The following EXOC4 variants were observed in gnomAD, a reference collection of about 807,000 sequenced individuals.
The protein encoded by EXOC4 is exocyst complex component 4, also known as SEC8-like 1.
In EXOC4, 71 loss-of-function variants were observed where a neutral mutation model predicts 107.2. The observed-to-expected ratio is 0.66, with a 90% confidence interval of 0.55 to 0.81. The LOEUF is 0.81. EXOC4 is among the 30% of genes least tolerant of loss of function. EXOC4 has a pLI of 0.00. For synonymous variants in EXOC4, 456 were observed against 441.2 expected, an observed-to-expected ratio of 1.03 and a Z score of -0.42; for missense variants, 1,108 against 1,189.6, an observed-to-expected ratio of 0.93 and a Z score of 1.01.
chr7:133,816,962 C>T (rs543547139), intron 10 of EXOC4, among the ~76,000 whole-genome samples: 24 of 152,196 alleles, frequency 1.6e-4, no homozygotes, highest in Admixed American at 1.2e-3. Context: ...GTAAAGGTTT[C>T]GGTGGGAAAT....
intron 7 of EXOC4, among the ~76,000 whole-genome samples, chr7:133,442,207 A>G (rs1798120990): frequency 6.6e-6 from 1 of 152,176 alleles, no homozygotes; most frequent in Admixed American, 6.5e-5. Flanking sequence ...TACTGGGCAT[A>G]GCTGGTGAAT....
chr7:133,380,259 T>TAAAAAA (rs1796586001), intron 7 of EXOC4, among the ~76,000 whole-genome samples: 1 of 150,074 alleles, frequency 6.7e-6, no homozygotes, highest in Non-Finnish European at 1.5e-5. Flanking sequence ...TAAAATAAAA[T>TAAAAAA]AAAATAAAAT....
rs530674239 is a variant in EXOC4, at chr7:133,758,801, C to T, written c.1515-58524C>T. On this transcript the variant is annotated intron_variant, in intron 10 of 17. Transcript: ENST00000253861. ...TTTATTAATCTTTGAAGTTTAATAA[C>T]CTTACTAAGATATAGCTCTTCCCCC... Among the ~76,000 whole-genome samples the T allele has an allele frequency of 2.0e-5, 3 of 152,254 alleles. No homozygotes were observed. The East Asian group carries it at 5.8e-4, about 29-fold the overall frequency.
At chr7:133,545,877 T>G (rs1800470526) in intron 9 of EXOC4, among the ~76,000 whole-genome samples, 1 of 152,208 alleles carries the variant, frequency 6.6e-6, no homozygotes, top group African/African-American at 2.4e-5. Context: ...CCTCCCTTTT[T>G]CCAAATGAAA....
chr7:133,312,053 T>C (rs1354419062), intron 4 of EXOC4, among the ~76,000 whole-genome samples: 2 of 152,198 alleles, frequency 1.3e-5, no homozygotes, highest in African/African-American at 4.8e-5. Context: ...ATTTTGTTTC[T>C]AGGTCTACAT....
chr7:133,895,823 C>G, intron 12 of EXOC4, 88 bp downstream of exon 12: 1 of 1,388,244 alleles, frequency 7.2e-7, no homozygotes, highest in East Asian at 2.3e-5. Flanking sequence ...GCCTAATTTC[C>G]AAAAGGATCA....
At chr7:133,829,530 C>T (rs768470579) in intron 11 of EXOC4, among the ~76,000 whole-genome samples, 8 of 152,328 alleles carry the variant, frequency 5.3e-5, no homozygotes, top group Admixed American at 3.3e-4. Flanking sequence ...CAGTGAGCCA[C>T]AACGGTGTGC....
the EXOC4 span, among the ~76,000 whole-genome samples, chr7:134,080,475 G>C: frequency 1.6e-4 from 24 of 152,164 alleles, no homozygotes; most frequent in Admixed American, 1.2e-3. Flanking sequence ...GGAGTTTTAA[G>C]CAAGTAAGTA....
Position 134,007,685 on chromosome 7 carries a change from A to C in EXOC4, c.2537A>C (p.His846Pro). The change falls in exon 17 of 18, where the codon CAC (histidine) becomes CCC (proline). Residue 846 changes from histidine to proline, a missense_variant. His to Pro is a moderately conservative substitution (Grantham distance 77). Coordinates refer to ENST00000253861, the MANE Select transcript of EXOC4 (RefSeq NM_021807.4). The part of the protein sequence containing the change: ...KFQYIFEGLG[H>P]LISCILINGA... Reference sequence around the variant, plus strand: ...TGTGCTGACCCCTCAGGCCTGGGCCACCTGATCTCCTGCATCCTCATTAAT... The same window carrying C: ...TGTGCTGACCCCTCAGGCCTGGGCCCCCTGATCTCCTGCATCCTCATTAAT... The C allele has an allele frequency of 6.2e-7, 1 of 1,613,164 alleles. No homozygotes were observed. Among genetic ancestry groups the C allele is most frequent in the Non-Finnish European group, 8.5e-7 (1 of 1,179,484 alleles).
At chr7:134,036,891 A>G (rs1311559972) in intron 17 of EXOC4, among the ~76,000 whole-genome samples, 1 of 152,170 alleles carries the variant, frequency 6.6e-6, no homozygotes, top group East Asian at 1.9e-4. Context: ...CCTTACCTAT[A>G]AAATAGAGAT....
chr7:133,367,220 A>G (rs1796267442), intron 6 of EXOC4, among the ~76,000 whole-genome samples: 1 of 152,158 alleles, frequency 6.6e-6, no homozygotes, highest in African/African-American at 2.4e-5. Flanking sequence ...TTAGGGGCAA[A>G]TGAGCTCAGC....
intron 15 of EXOC4, among the ~76,000 whole-genome samples, chr7:133,999,451 G>A (rs1196126985): frequency 6.6e-6 from 1 of 152,138 alleles, no homozygotes; most frequent in African/African-American, 2.4e-5. Flanking sequence ...TCTGTGTTAC[G>A]TGGCATTATT....
chr7:133,950,593 T>C (rs1416982167), intron 14 of EXOC4, among the ~76,000 whole-genome samples: 1 of 152,240 alleles, frequency 6.6e-6, no homozygotes, highest in Non-Finnish European at 1.5e-5. Flanking sequence ...TCAAGAAGTT[T>C]GATGATAAGA....
chr7:133,665,421 A>G (rs762934029), intron 10 of EXOC4, among the ~76,000 whole-genome samples: 1 of 152,182 alleles, frequency 6.6e-6, no homozygotes, highest in Non-Finnish European at 1.5e-5. Flanking sequence ...GTAGACTTGA[A>G]TCATTCTAAG....
chr7:133,654,096 C>T (rs1159962651), intron 10 of EXOC4, among the ~76,000 whole-genome samples: 1 of 152,136 alleles, frequency 6.6e-6, no homozygotes, highest in Non-Finnish European at 1.5e-5. Flanking sequence ...TCGAGCAGTG[C>T]ACTGGGTGGT....
At chr7:133,619,793 C>A (rs111346258) in intron 9 of EXOC4, among the ~76,000 whole-genome samples, 46 of 152,304 alleles carry the variant, frequency 3.0e-4, no homozygotes, top group Non-Finnish European at 5.9e-4. Context: ...AGCACAGATA[C>A]TTTCCTAGTT....
chr7:134,030,766 T>G (rs1053097986), intron 17 of EXOC4, among the ~76,000 whole-genome samples: 12 of 140,460 alleles, frequency 8.5e-5, no homozygotes, highest in East Asian at 2.2e-4. Context: ...GTAAACAAAT[T>G]TATCTAGATA....
chr7:133,391,424 G>A (rs1796850587), intron 7 of EXOC4, among the ~76,000 whole-genome samples: 1 of 152,230 alleles, frequency 6.6e-6, no homozygotes, highest in African/African-American at 2.4e-5. Flanking sequence ...TCTCGTCACC[G>A]AGCTGGGCTG....
chr7:134,007,653 C>T, intron 16 of EXOC4, 23 bp from the exon 17 acceptor site: 2 of 1,584,274 alleles, frequency 1.3e-6, no homozygotes, highest in South Asian at 2.3e-5. Flanking sequence ...TTTTCTTTGC[C>T]CCGCACTGTG....
Sources: allele counts gnomAD v4.1 joint callset (sites outside exome capture counted in the v4.1 genomes callset), GRCh38; gene constraint gnomAD v4.1.1; transcripts MANE v1.5; gene names NCBI Gene and HGNC (gene_info 2026-07-23, HGNC 2026-07-21).